RAB5C: variants seen among roughly 807,000 people sequenced by gnomAD.
The protein encoded by RAB5C is ras-related protein Rab-5C.
Under a neutral mutation model 25.2 loss-of-function variants are expected in RAB5C, and 4 were observed. That is an observed-to-expected ratio of 0.16 (90% CI 0.08 to 0.36). The LOEUF (loss-of-function observed/expected upper bound fraction) is 0.36. Among genes scored for constraint, RAB5C ranks in the 10% least tolerant of loss-of-function variants. RAB5C has a pLI of 1.00. For missense variants in RAB5C, 199 were observed against 283.8 expected (o/e 0.70, Z 2.15); for synonymous variants, 100 against 106.4 (o/e 0.94, Z 0.37).
At chr17:42,126,184 A>G (rs1425514546) in intron 5 of RAB5C, among the ~76,000 whole-genome samples, 1 of 152,158 alleles carries the variant, frequency 6.6e-6, no homozygotes, top group Non-Finnish European at 1.5e-5. Flanking sequence ...GGGTAGGGGT[A>G]GTGATGGCAG....
chr17:42,149,666 G>C (rs1010405884), intron 1 of RAB5C, among the ~76,000 whole-genome samples: 5 of 152,030 alleles, frequency 3.3e-5, no homozygotes, highest in African/African-American at 1.2e-4. Context: ...AATAGTTACA[G>C]GACTGTTTTA....
At chr17:42,153,190 T>C (rs949723050) in intron 1 of RAB5C, among the ~76,000 whole-genome samples, 1 of 151,938 alleles carries the variant, frequency 6.6e-6, no homozygotes, top group African/African-American at 2.4e-5. Context: ...CTGAGGCGGG[T>C]GGATCACCTG....
At chr17:42,152,832 CAAAGA>C (rs2079681045) in intron 1 of RAB5C, among the ~76,000 whole-genome samples, 1 of 151,378 alleles carries the variant, frequency 6.6e-6, no homozygotes, top group Non-Finnish European at 1.5e-5. Flanking sequence ...CATGTCCAGA[CAAAGA>C]AAAGAAGGTC....
chr17:42,151,440 A>G (rs2079671058), intron 1 of RAB5C, among the ~76,000 whole-genome samples: 1 of 152,120 alleles, frequency 6.6e-6, no homozygotes, highest in Non-Finnish European at 1.5e-5. Flanking sequence ...CCGACTCAAA[A>G]AAAAAAAAAG....
At chr17:42,141,430 T>C (rs1401989495) in intron 1 of RAB5C, among the ~76,000 whole-genome samples, 1 of 152,142 alleles carries the variant, frequency 6.6e-6, no homozygotes, top group Non-Finnish European at 1.5e-5. Flanking sequence ...GCCTGACCCA[T>C]AGTAGGTGAG....
chr17:42,150,544 C>CAA (rs759878778), intron 1 of RAB5C, among the ~76,000 whole-genome samples: 1,210 of 19,384 alleles, frequency 0.062, 260 homozygotes, highest in African/African-American at 0.1. Flanking sequence ...AACTCCATCT[C>CAA]AAAAAAAAAA....
chr17:42,137,998 T>C (rs527422305), intron 1 of RAB5C: 1 of 152,316 alleles, frequency 6.6e-6, no homozygotes, highest in South Asian at 2.1e-4. Flanking sequence ...GGATTCCTCA[T>C]AAAAAATAAG....
intron 1 of RAB5C, among the ~76,000 whole-genome samples, chr17:42,153,555 C>T (rs1031030229): frequency 5.3e-5 from 8 of 152,176 alleles, no homozygotes; most frequent in Non-Finnish European, 5.9e-5. Flanking sequence ...AAGTGGCAAG[C>T]GAGGGTGGTA....
intron 1 of RAB5C, chr17:42,131,492 A>G (rs547300724): frequency 9.3e-7 from 1 of 1,071,690 alleles, no homozygotes; most frequent in Non-Finnish European, 1.4e-6. Flanking sequence ...ATACACACCA[A>G]AACAGACACC....
rs1200421626 is a variant in RAB5C, at chr17:42,126,746, GC to G, written c.535+8del. The G allele has an allele frequency of 6.3e-7, 1 of 1,591,480 alleles. No individual in the cohort carries two copies. Among genetic ancestry groups the G allele is most frequent in the Non-Finnish European group, 8.6e-7 (1 of 1,162,798 alleles). Reference sequence around the variant, plus strand: ...TGGTGGAGAGAGGAGGGGAGGAGAAGCAACTGACCTATTGCCATGAAGATTT... The same window carrying G: ...TGGTGGAGAGAGGAGGGGAGGAGAAGAACTGACCTATTGCCATGAAGATTT... On this transcript the variant is annotated splice_region_variant and intron_variant, in intron 5 of 5. Transcript: ENST00000346213.
chr17:42,143,061 C>T (rs191796853), intron 1 of RAB5C, among the ~76,000 whole-genome samples: 2 of 152,326 alleles, frequency 1.3e-5, no homozygotes, highest in Admixed American at 6.5e-5. Flanking sequence ...GTCATAGCAT[C>T]AGGCAGGGGT....
At position 42,138,693 on chromosome 17, in the gene RAB5C, C is replaced by T. The variant is rs527346513; in HGVS notation, c.-88-8103G>A. 1.4e-4 allele frequency among the ~76,000 whole-genome samples: 21 copies of T among 152,278 alleles called. 1 individual carries two copies. The highest frequency in any genetic ancestry group is 5.1e-4 in the African/African-American group (21 of 41,558). ...ACCACAATCAGGCCCTGATGGGGTC[C>T]ACCAGAGCCCCAAGTGCAGACACCA... On this transcript the variant is annotated intron_variant, in intron 1 of 5. Coordinates refer to ENST00000346213, the MANE Select transcript of RAB5C (RefSeq NM_004583.4).
At chr17:42,143,009 A>T (rs2079611810) in intron 1 of RAB5C, among the ~76,000 whole-genome samples, 1 of 152,240 alleles carries the variant, frequency 6.6e-6, no homozygotes, top group Non-Finnish European at 1.5e-5. Context: ...CTCCATAGGT[A>T]AATTCCAAAG....
At position 42,125,592 on chromosome 17, in the gene RAB5C, AT is replaced by A. The variant is rs2054411308; in HGVS notation, c.*190del. 1 of 562,042 alleles carries A rather than the reference AT, an allele frequency of 1.8e-6. No individual in the cohort carries two copies. Among genetic ancestry groups the A allele is most frequent in the Admixed American group, 3.2e-5 (1 of 31,438 alleles). The allele number at this position is 562,042 out of a possible 1,614,324, so 34.8% of individuals were successfully genotyped here. ...ACTTAAGACTTAAAATTGAATTAGT[AT>A]TTGTACAGAAAGGTGCAGGTGGAAT... On this transcript the variant is annotated 3_prime_UTR_variant, in exon 6 of 6. Coordinates refer to ENST00000346213, the MANE Select transcript of RAB5C (RefSeq NM_004583.4).
chr17:42,128,147 G>T, intron 4 of RAB5C, 114 bp downstream of exon 4: 2 of 1,438,768 alleles, frequency 1.4e-6, no homozygotes, highest in Non-Finnish European at 9.3e-7. Context: ...ACAGCAGATG[G>T]AAGCTTCCCT....
At chr17:42,129,844 TA>T (rs1000599370) in intron 2 of RAB5C, among the ~76,000 whole-genome samples, 3 of 152,206 alleles carry the variant, frequency 2.0e-5, no homozygotes, top group Non-Finnish European at 4.4e-5. Context: ...ACTCACATCC[TA>T]AATGCTGACC....
chr17:42,126,677 G>A (rs778066642), intron 5 of RAB5C, 78 bp downstream of exon 5: 14 of 404,894 alleles, frequency 3.5e-5, no homozygotes, highest in Non-Finnish European at 6.4e-5. Context: ...AAGGGACCCC[G>A]CAGGCCCACT....
intron 1 of RAB5C, among the ~76,000 whole-genome samples, chr17:42,144,859 G>A (rs561622410): frequency 1.1e-3 from 155 of 146,656 alleles, no homozygotes; most frequent in African/African-American, 3.7e-3. Context: ...CCTGGGAGGC[G>A]GAGCTTGCAG....
At chr17:42,132,684 TTTTC>T (rs754916514) in intron 1 of RAB5C, among the ~76,000 whole-genome samples, 82 of 151,500 alleles carry the variant, frequency 5.4e-4, no homozygotes, top group South Asian at 1.0e-3. Flanking sequence ...CTAATTAAAA[TTTTC>T]TTTCTTTCTT....
Sources: gnomAD v4.1 joint callset for allele counts (sites outside exome capture counted in the v4.1 genomes callset) on GRCh38, gnomAD v4.1.1 for gene constraint, MANE v1.5 for transcripts, NCBI Gene and HGNC (gene_info 2026-07-23, HGNC 2026-07-21) for gene names.